ACTR3C: variants seen among roughly 807,000 people sequenced by gnomAD.
The protein encoded by ACTR3C is actin related protein 3C.
A neutral mutation model predicts 26.3 loss-of-function variants in ACTR3C; 18 were observed. The ratio of observed to expected loss-of-function variants is 0.68; its 90% CI spans 0.47 to 1.01. The LOEUF (loss-of-function observed/expected upper bound fraction) is 1.01, where lower values mean the gene tolerates loss of function less well. Among genes scored for constraint, ACTR3C ranks in the 50% least tolerant of loss-of-function variants. The pLI, the probability that ACTR3C is intolerant of heterozygous loss-of-function variation, is 0.00. For synonymous variants in ACTR3C, 55 were observed against 94.5 expected, an observed-to-expected ratio of 0.58 and a Z score of 2.42; for missense variants, 184 against 250.7, an observed-to-expected ratio of 0.73 and a Z score of 1.80.
chr7:150,180,756 C>T, the ACTR3C span, among the ~76,000 whole-genome samples: 7 of 148,932 alleles, frequency 4.7e-5, no homozygotes, highest in South Asian at 2.1e-4. Flanking sequence ...GTGATCCGCC[C>T]GCCTCGGCCT....
At chr7:150,139,667 G>A in the ACTR3C span, among the ~76,000 whole-genome samples, 1 of 152,272 alleles carries the variant, frequency 6.6e-6, no homozygotes, top group Admixed American at 6.5e-5. Flanking sequence ...ATAATCACAT[G>A]TATGGAAGCT....
intron 1 of ACTR3C, among the ~76,000 whole-genome samples, chr7:150,299,174 G>T (rs1179127655): frequency 6.6e-6 from 1 of 151,344 alleles, no homozygotes; most frequent in Non-Finnish European, 1.5e-5. Context: ...GTAGAGACAG[G>T]GTTTCACGAT....
intron 6 of ACTR3C, among the ~76,000 whole-genome samples, chr7:150,266,456 G>A (rs1369402190): frequency 1.3e-5 from 2 of 151,380 alleles, no homozygotes; most frequent in African/African-American, 4.9e-5. Flanking sequence ...TTAAATGTAA[G>A]GGCTAAAAGC....
the ACTR3C span, among the ~76,000 whole-genome samples, chr7:149,883,975 G>A: frequency 4.7e-5 from 6 of 127,906 alleles, no homozygotes; most frequent in Non-Finnish European, 8.4e-5. Context: ...TAACAGGGAC[G>A]CCACAGGTTT....
the ACTR3C span, among the ~76,000 whole-genome samples, chr7:150,200,190 A>G: frequency 2.0e-5 from 3 of 152,198 alleles, no homozygotes; most frequent in Admixed American, 6.5e-5. Flanking sequence ...ATTTTGATTA[A>G]TTTACCTCCT....
the ACTR3C span, among the ~76,000 whole-genome samples, chr7:150,161,878 T>A: frequency 6.6e-6 from 1 of 151,950 alleles, no homozygotes; most frequent in African/African-American, 2.4e-5. Context: ...ACTGCTATTA[T>A]TTCCTGAGGC....
chr7:150,168,083 T>C, the ACTR3C span, among the ~76,000 whole-genome samples: 1 of 150,770 alleles, frequency 6.6e-6, no homozygotes, highest in Non-Finnish European at 1.5e-5. Context: ...TTCATACCGT[T>C]GGCAGCTACC....
chr7:149,973,822 G>A, the ACTR3C span, among the ~76,000 whole-genome samples: 8 of 147,492 alleles, frequency 5.4e-5, no homozygotes, highest in Admixed American at 3.4e-4. Flanking sequence ...AACAGTGCCC[G>A]AGGATCTGTC....
At chr7:150,042,111 CCCTCTGCGATGGGGGTCCTAAGA>C in the ACTR3C span, among the ~76,000 whole-genome samples, 1 of 48,964 alleles carries the variant, frequency 2.0e-5, no homozygotes, top group Admixed American at 2.3e-4. Flanking sequence ...GGTGCCTCCC[CCCTCTGCGATGGGGGTCCTAAGA>C]GCCAGTGGGG....
chr7:150,048,588 G>C, the ACTR3C span, among the ~76,000 whole-genome samples: 2 of 151,944 alleles, frequency 1.3e-5, no homozygotes, highest in Non-Finnish European at 2.9e-5. Flanking sequence ...GGGATGCGGA[G>C]GTCGAGGCAG....
chr7:149,903,416 G>A, the ACTR3C span, among the ~76,000 whole-genome samples: 1 of 152,000 alleles, frequency 6.6e-6, no homozygotes, highest in Non-Finnish European at 1.5e-5. Context: ...ACAAACCTCA[G>A]TAACATTCCC....
At chr7:149,975,241 A>G in the ACTR3C span, among the ~76,000 whole-genome samples, 1 of 152,196 alleles carries the variant, frequency 6.6e-6, no homozygotes, top group African/African-American at 2.4e-5. Flanking sequence ...TCAATAACAG[A>G]TGGAAAACTG....
the ACTR3C span, chr7:150,001,882 C>G: frequency 6.6e-6 from 1 of 151,902 alleles, no homozygotes; most frequent in Non-Finnish European, 1.5e-5. Flanking sequence ...GAGGCAAGAG[C>G]GAGGAGTTCT....
At chr7:150,042,352 C>T in the ACTR3C span, among the ~76,000 whole-genome samples, 2 of 121,808 alleles carry the variant, frequency 1.6e-5, no homozygotes, top group Admixed American at 7.3e-5. Flanking sequence ...GGGGTGCCTC[C>T]GCCCCCAGCG....
At chr7:150,142,267 T>C in the ACTR3C span, among the ~76,000 whole-genome samples, 5 of 152,284 alleles carry the variant, frequency 3.3e-5, no homozygotes, top group Non-Finnish European at 5.9e-5. Flanking sequence ...GTCAAGTGAC[T>C]GAGCTCTGCC....
the ACTR3C span, among the ~76,000 whole-genome samples, chr7:150,183,802 G>C: frequency 1.7e-3 from 251 of 149,752 alleles, 1 homozygote; most frequent in Middle Eastern, 6.9e-3. Context: ...CTCACCTTGA[G>C]TTGTAATCCC....
chr7:150,255,750 C>T (rs6976329), intron 6 of ACTR3C, among the ~76,000 whole-genome samples: 6,647 of 152,186 alleles, frequency 0.044, 468 homozygotes, highest in African/African-American at 0.15. Context: ...AGACACAGCT[C>T]CGTCCTTTCT....
chr7:149,915,176 A>G, the ACTR3C span, among the ~76,000 whole-genome samples: 1 of 152,124 alleles, frequency 6.6e-6, no homozygotes, highest in Non-Finnish European at 1.5e-5. Flanking sequence ...GCGCATGGCA[A>G]ATTTCATTCT....
the ACTR3C span, among the ~76,000 whole-genome samples, chr7:150,190,466 T>G: frequency 7.2e-5 from 11 of 152,222 alleles, no homozygotes; most frequent in Non-Finnish European, 5.9e-5. Flanking sequence ...ACACAAATAT[T>G]TTCCCAATTT....
Sources: gnomAD v4.1 joint callset for allele counts (sites outside exome capture counted in the v4.1 genomes callset) on GRCh38, gnomAD v4.1.1 for gene constraint, MANE v1.5 for transcripts, NCBI Gene and HGNC (gene_info 2026-07-23, HGNC 2026-07-21) for gene names.